The following FMN2 variants were observed in gnomAD, a reference collection of about 807,000 sequenced individuals.
FMN2 encodes formin 2.
Under a neutral mutation model 142.3 loss-of-function variants are expected in FMN2, and 51 were observed. The observed-to-expected ratio is 0.36, with a 90% CI of 0.29 to 0.45. The LOEUF is 0.45. FMN2 is among the 20% of genes least tolerant of loss of function. FMN2 has a pLI of 1.00. For missense variants in FMN2, 1,936 were observed against 2,122.8 expected, an observed-to-expected ratio of 0.91 and a Z score of 1.73; for synonymous variants, 882 against 869.8, an observed-to-expected ratio of 1.01 and a Z score of -0.25.
intron 3 of FMN2, among the ~76,000 whole-genome samples, chr1:240,182,356 G>C (rs1220465305): frequency 6.6e-6 from 1 of 152,194 alleles, no homozygotes; most frequent in Non-Finnish European, 1.5e-5. Context: ...AGAGGAAACA[G>C]AGAACTGACT....
At chr1:240,238,340 A>G (rs1051035903) in intron 6 of FMN2, among the ~76,000 whole-genome samples, 1 of 152,224 alleles carries the variant, frequency 6.6e-6, no homozygotes, top group African/African-American at 2.4e-5. Context: ...AACATTGTGT[A>G]TCCTTATAAC....
chr1:240,261,476 C>T (rs1034545829), intron 7 of FMN2, among the ~76,000 whole-genome samples: 4 of 151,802 alleles, frequency 2.6e-5, no homozygotes, highest in Non-Finnish European at 5.9e-5. Context: ...ATCATTTTCT[C>T]TCCTTCTTTG....
chr1:240,228,303 C>CAAAAAAAAAAAAAAAAAAAA (rs577421634), intron 6 of FMN2, among the ~76,000 whole-genome samples: 42 of 47,730 alleles, frequency 8.8e-4, no homozygotes, highest in Non-Finnish European at 1.5e-3. Context: ...AACTCTGTCT[C>CAAAAAAAAAAAAAAAAAAAA]AAAAAAAAAA....
intron 6 of FMN2, among the ~76,000 whole-genome samples, chr1:240,243,360 GT>G (rs1667974998): frequency 6.6e-6 from 1 of 152,136 alleles, no homozygotes; most frequent in African/African-American, 2.4e-5. Context: ...CCAAATCAAG[GT>G]TATGAGATAG....
At chr1:240,229,749 C>A (rs1000063946) in intron 6 of FMN2, among the ~76,000 whole-genome samples, 1 of 74,670 alleles carries the variant, frequency 1.3e-5, no homozygotes, top group Non-Finnish European at 2.6e-5. Flanking sequence ...CCGGTTCCAG[C>A]GATTCTCCTG....
chr1:240,333,026 C>A (rs10926219), intron 11 of FMN2, among the ~76,000 whole-genome samples: 20,128 of 151,972 alleles, frequency 0.13, 1,880 homozygotes, highest in African/African-American at 0.24. Flanking sequence ...GCTCTTTTTA[C>A]AAATATAGAA....
In FMN2 at chr1:240,211,142, T is replaced by C; in HGVS notation, c.3972T>C (p.Asp1324=). ...IWEKIEEPSI[D]CHEFEELFSK... ...AAAAAATTGAAGAGCCATCCATAGATTGTCATGAATTTGAGGAATTATTTT... is the reference window on the plus strand; with the variant it reads ...AAAAAATTGAAGAGCCATCCATAGACTGTCATGAATTTGAGGAATTATTTT... The change falls in exon 6 of 18, where the codon GAT becomes GAC. Residue 1324 remains aspartate, a synonymous_variant. Coordinates refer to ENST00000319653, the MANE Select transcript of FMN2 (RefSeq NM_020066.5). 2 of 1,613,648 alleles carry C rather than the reference T, an allele frequency of 1.2e-6. No individual in the cohort carries two copies. The highest frequency in any genetic ancestry group is 1.7e-6 in the Non-Finnish European group (2 of 1,179,846).
At chr1:240,187,256 C>T (rs1217451775) in intron 3 of FMN2, among the ~76,000 whole-genome samples, 3 of 108,106 alleles carry the variant, frequency 2.8e-5, no homozygotes, top group South Asian at 3.0e-4. Context: ...GGTGAAAGAG[C>T]GAAACTCCAT....
rs181900607 is a variant in FMN2 at position 240,225,913 on chromosome 1, A to C, written c.4065+14678A>C. On this transcript the variant is annotated intron_variant, in intron 6 of 17. Coordinates refer to ENST00000319653, the MANE Select transcript of FMN2 (RefSeq NM_020066.5). ...AAGTACAATAACCAAAATGGGAAAA[A>C]ATTACTAGATGATTTAACGATCGAT... Among the ~76,000 whole-genome samples the C allele has an allele frequency of 8.4e-4, 128 of 152,308 alleles. 1 individual carries two copies. The Middle Eastern group carries it at 0.034, about 40-fold the overall frequency.
intron 15 of FMN2, among the ~76,000 whole-genome samples, chr1:240,399,728 C>T (rs1673907957): frequency 6.6e-6 from 1 of 152,114 alleles, no homozygotes; most frequent in African/African-American, 2.4e-5. Flanking sequence ...GCAGATGCTC[C>T]AGCTCAGGTG....
chr1:240,408,177 A>G (rs1369188655), intron 15 of FMN2, among the ~76,000 whole-genome samples: 2 of 152,206 alleles, frequency 1.3e-5, no homozygotes, highest in African/African-American at 4.8e-5. Flanking sequence ...TTTTCGGGGA[A>G]AAATTGATGA....
At chr1:240,143,178 G>A (rs1225728809) in intron 2 of FMN2, 3 of 1,583,636 alleles carry the variant, frequency 1.9e-6, no homozygotes, top group Non-Finnish European at 2.6e-6. Context: ...AGCCAGACGG[G>A]CATTATTGGT....
rs574532501 is a variant in FMN2 at position 240,113,737 on chromosome 1, C to CAGA, written c.1616-9442_1616-9441insAGA. On this transcript the variant is annotated intron_variant, in intron 1 of 17. Coordinates refer to ENST00000319653, the MANE Select transcript of FMN2 (RefSeq NM_020066.5). ...TCATGTCTCTGTCCACTCCCCCTGA[C>CAGA]CTGGTTGGTCAAATTACATTCCTTG... is the stretch of plus-strand genomic sequence containing the variant. 4.7e-4 allele frequency among the ~76,000 whole-genome samples: 71 copies of CAGA among 152,194 alleles called. 1 individual carries two copies. In the South Asian group the frequency reaches 0.014, roughly 31 times the overall value.
chr1:240,400,300 C>A (rs954230134), intron 15 of FMN2, among the ~76,000 whole-genome samples: 2 of 152,132 alleles, frequency 1.3e-5, no homozygotes, highest in Non-Finnish European at 2.9e-5. Flanking sequence ...TGAATATATG[C>A]TGTAAGCCTC....
At chr1:240,109,513 T>C (rs1011686034) in intron 1 of FMN2, among the ~76,000 whole-genome samples, 1 of 152,102 alleles carries the variant, frequency 6.6e-6, no homozygotes, top group African/African-American at 2.4e-5. Flanking sequence ...CTCTCCCTGC[T>C]CTATGTTGAA....
At chr1:240,211,019 CT>C in intron 5 of FMN2, 71 bp from the exon 6 acceptor site, 1 of 1,429,554 alleles carries the variant, frequency 7.0e-7, no homozygotes, top group Non-Finnish European at 9.4e-7. Context: ...CCCCTTCTTC[CT>C]TTCTATTTAT....
At chr1:240,113,222 G>A (rs555771739) in intron 1 of FMN2, among the ~76,000 whole-genome samples, 31 of 152,112 alleles carry the variant, frequency 2.0e-4, no homozygotes, top group African/African-American at 6.5e-4. Context: ...AGAGGGAACC[G>A]GGAAGCCTCT....
intron 16 of FMN2, among the ~76,000 whole-genome samples, chr1:240,468,451 T>C (rs1305120429): frequency 6.6e-6 from 1 of 152,090 alleles, no homozygotes; most frequent in Non-Finnish European, 1.5e-5. Flanking sequence ...TTGGAAGCCT[T>C]TTGACCATCT....
At chr1:240,453,918 A>G (rs1275361194) in intron 16 of FMN2, among the ~76,000 whole-genome samples, 2 of 18,922 alleles carry the variant, frequency 1.1e-4, no homozygotes, top group East Asian at 1.1e-3. Flanking sequence ...GAACCCGGGA[A>G]GCGGAGCTTG....
Sources: gnomAD v4.1 joint callset for allele counts (sites outside exome capture counted in the v4.1 genomes callset) on GRCh38, gnomAD v4.1.1 for gene constraint, MANE v1.5 for transcripts, NCBI Gene and HGNC (gene_info 2026-07-23, HGNC 2026-07-21) for gene names.